The following KCNQ3 variants were observed in gnomAD, a reference collection of about 807,000 sequenced individuals.
KCNQ3 encodes potassium voltage-gated channel subfamily Q member 3, also known as potassium voltage-gated channel subfamily KQT member 3.
In KCNQ3, 30 loss-of-function variants were observed where a neutral mutation model predicts 92.5. The ratio of observed to expected loss-of-function variants is 0.32; its 90% CI spans 0.24 to 0.44. KCNQ3 has a LOEUF of 0.44. Ranked by LOEUF, KCNQ3 falls within the 20% of genes least tolerant of loss-of-function variation. KCNQ3 has a pLI of 1.00. For synonymous variants in KCNQ3, 450 were observed against 468.8 expected, an observed-to-expected ratio of 0.96 and a Z score of 0.52; for missense variants, 913 against 1,140.3, an observed-to-expected ratio of 0.80 and a Z score of 2.87.
At chr8:132,199,674 C>T (rs370394465) in intron 1 of KCNQ3, among the ~76,000 whole-genome samples, 139 of 152,274 alleles carry the variant, frequency 9.1e-4, no homozygotes, top group African/African-American at 3.2e-3. Flanking sequence ...CTTTGGGAAG[C>T]CTGTGTGAGT....
At chr8:132,135,930 G>T (rs1180551805) in intron 12 of KCNQ3, among the ~76,000 whole-genome samples, 1 of 151,758 alleles carries the variant, frequency 6.6e-6, no homozygotes, top group Admixed American at 6.6e-5. Context: ...GATCAGCCTG[G>T]CCAGCACGGT....
chr8:132,352,641 C>G (rs1818908234), intron 1 of KCNQ3, among the ~76,000 whole-genome samples: 2 of 152,178 alleles, frequency 1.3e-5, no homozygotes, highest in African/African-American at 4.8e-5. Flanking sequence ...TAAGTGATAG[C>G]AACAGTTATG....
chr8:132,296,572 A>ATGTTCCCCTTCCTGTGTCCATG (rs1175652270), intron 1 of KCNQ3, among the ~76,000 whole-genome samples: 1 of 149,066 alleles, frequency 6.7e-6, no homozygotes, highest in Admixed American at 6.7e-5. Context: ...CCAGAGTGTG[A>ATGTTCCCCTTCCTGTGTCCATG]TGTTCCCCTT....
chr8:132,258,765 A>T (rs1371699496), intron 1 of KCNQ3, among the ~76,000 whole-genome samples: 1 of 152,106 alleles, frequency 6.6e-6, no homozygotes, highest in Non-Finnish European at 1.5e-5. Flanking sequence ...AGCTAGAGTG[A>T]CAAGGAAAAA....
chr8:132,280,367 C>A (rs1816475279), intron 1 of KCNQ3, among the ~76,000 whole-genome samples: 1 of 152,100 alleles, frequency 6.6e-6, no homozygotes, highest in African/African-American at 2.4e-5. Context: ...TCTGGGGAGG[C>A]CTTAGGGAGC....
At chr8:132,297,580 T>G (rs1817081524) in intron 1 of KCNQ3, among the ~76,000 whole-genome samples, 1 of 152,240 alleles carries the variant, frequency 6.6e-6, no homozygotes, top group Non-Finnish European at 1.5e-5. Context: ...GTCATAAATG[T>G]ACTCTAAATT....
chr8:132,270,327 C>T lies in KCNQ3; in HGVS notation c.387-84146G>A, dbSNP rs547565958. Among the ~76,000 whole-genome samples the T allele has an allele frequency of 3.3e-5, 5 of 152,340 alleles. No homozygotes were observed. The East Asian group carries it at 9.6e-4, about 29-fold the overall frequency. Reference sequence around the variant, plus strand: ...AGTTTCCAACTACATGCAAGAGAATCTCCATACGCAGGAAGTCCTAGTCAC... The same window carrying T: ...AGTTTCCAACTACATGCAAGAGAATTTCCATACGCAGGAAGTCCTAGTCAC... On this transcript the variant is annotated intron_variant, in intron 1 of 14. Coordinates refer to ENST00000388996, the MANE Select transcript of KCNQ3 (RefSeq NM_004519.4).
In KCNQ3 at chr8:132,140,142, C is replaced by G. The variant is rs1229371057; in HGVS notation, c.1502G>C (p.Gly501Ala). The G allele has an allele frequency of 6.2e-7, 1 of 1,613,368 alleles. No individual in the cohort carries two copies. Among genetic ancestry groups the G allele is most frequent in the Non-Finnish European group, 8.5e-7 (1 of 1,179,832 alleles). The stretch of plus-strand genomic sequence containing the variant: ...TTCGATGGGGAAGTCATTCCCATAG[C>G]CCCTGTCTTCCGCCATGGGGTCACC... ...GTGDPMAEDR[G>A]YGNDFPIEDM... is the part of the protein sequence containing the mutation. The change falls in exon 11 of 15, where the codon GGC becomes GCC. Residue 501 changes from glycine (G) to alanine (A), a missense_variant. Physicochemically the swap from Gly to Ala is moderately conservative, Grantham distance 60. This residue lies in a region of KCNQ3 where 182 missense variants were observed against 234.5 expected (regional missense o/e 0.78). Transcript: ENST00000388996.
intron 1 of KCNQ3, among the ~76,000 whole-genome samples, chr8:132,345,755 G>A (rs1365899065): frequency 6.6e-6 from 1 of 152,122 alleles, no homozygotes; most frequent in Non-Finnish European, 1.5e-5. Context: ...CATAATAAGA[G>A]CTCAGTAAAT....
intron 1 of KCNQ3, among the ~76,000 whole-genome samples, chr8:132,279,487 A>C (rs965573955): frequency 2.6e-5 from 4 of 152,202 alleles, no homozygotes; most frequent in African/African-American, 9.7e-5. Context: ...TTCAGTGAGA[A>C]TCTATGGACG....
At chr8:132,332,852 C>T (rs1218725487) in intron 1 of KCNQ3, among the ~76,000 whole-genome samples, 1 of 152,248 alleles carries the variant, frequency 6.6e-6, no homozygotes, top group Admixed American at 6.5e-5. Context: ...GGTGCAGAAC[C>T]TGTCCTTCCT....
At chr8:132,337,873 T>C (rs1242457387) in intron 1 of KCNQ3, among the ~76,000 whole-genome samples, 45 of 152,226 alleles carry the variant, frequency 3.0e-4, no homozygotes, top group Non-Finnish European at 2.9e-5. Flanking sequence ...TCTGGCAGTA[T>C]AGAAATGAGC....
chr8:132,435,023 T>C (rs966272384), intron 1 of KCNQ3, among the ~76,000 whole-genome samples: 5 of 152,214 alleles, frequency 3.3e-5, no homozygotes, highest in African/African-American at 1.2e-4. Flanking sequence ...ATTCATTCTA[T>C]ACACATTTAC....
intron 1 of KCNQ3, among the ~76,000 whole-genome samples, chr8:132,253,922 C>A (rs1815494308): frequency 6.6e-6 from 1 of 152,210 alleles, no homozygotes; most frequent in Non-Finnish European, 1.5e-5. Flanking sequence ...TAGGCTTCAT[C>A]TGTTACCCAC....
chr8:132,337,601 C>T (rs1044830997), intron 1 of KCNQ3, among the ~76,000 whole-genome samples: 1 of 152,166 alleles, frequency 6.6e-6, no homozygotes, highest in Non-Finnish European at 1.5e-5. Flanking sequence ...CAACAGGTCA[C>T]ATGTTGATTA....
intron 1 of KCNQ3, among the ~76,000 whole-genome samples, chr8:132,320,731 A>G (rs998001224): frequency 1.3e-5 from 2 of 152,098 alleles, no homozygotes; most frequent in African/African-American, 4.8e-5. Flanking sequence ...AACACCAAGC[A>G]GAAAAGGGAA....
chr8:132,372,157 TG>T (rs1376617808), intron 1 of KCNQ3, among the ~76,000 whole-genome samples: 1 of 152,114 alleles, frequency 6.6e-6, no homozygotes, highest in Non-Finnish European at 1.5e-5. Flanking sequence ...AGCCCTTTAA[TG>T]GCTTCCTCTG....
At chr8:132,455,820 C>A (rs543651561) in intron 1 of KCNQ3, among the ~76,000 whole-genome samples, 1 of 152,138 alleles carries the variant, frequency 6.6e-6, no homozygotes. Context: ...CGGATCACTG[C>A]AAGCTCCGCC....
chr8:132,281,645 C>A (rs1309921593), intron 1 of KCNQ3, among the ~76,000 whole-genome samples: 1 of 152,052 alleles, frequency 6.6e-6, no homozygotes, highest in African/African-American at 2.4e-5. Context: ...ACAACTATAA[C>A]AATCTCCGAC....
Sources: gnomAD v4.1 joint callset for allele counts (sites outside exome capture counted in the v4.1 genomes callset) on GRCh38, gnomAD v4.1.1 for gene constraint, gnomAD v4.1.1 regional missense constraint, MANE v1.5 for transcripts, NCBI Gene and HGNC (gene_info 2026-07-23, HGNC 2026-07-21) for gene names.